DRD3: variants seen among roughly 807,000 people sequenced by gnomAD.
The protein encoded by DRD3 is D(3) dopamine receptor.
In DRD3, 19 loss-of-function variants were observed where a neutral mutation model predicts 36.3. The ratio of observed to expected loss-of-function variants is 0.52; its 90% CI spans 0.36 to 0.77. The LOEUF (loss-of-function observed/expected upper bound fraction) is 0.77. Ranked by LOEUF, DRD3 falls within the 30% of genes least tolerant of loss-of-function variation. The pLI is 0.00. For synonymous variants in DRD3, 195 were observed against 203.7 expected (o/e 0.96, Z 0.36); for missense variants, 465 against 505.3 (o/e 0.92, Z 0.77).
chr3:114,189,169 G>A (rs555327927), intron 1 of DRD3, among the ~76,000 whole-genome samples: 1 of 152,088 alleles, frequency 6.6e-6, no homozygotes, highest in South Asian at 2.1e-4. Context: ...CTTTTATTCA[G>A]TTGATTTAAC....
At chr3:114,162,316 C>A (rs1424745771) in intron 2 of DRD3, among the ~76,000 whole-genome samples, 2 of 152,172 alleles carry the variant, frequency 1.3e-5, no homozygotes, top group Admixed American at 6.5e-5. Flanking sequence ...ACTTTGAAAA[C>A]TGAATTTGTT....
intron 6 of DRD3, among the ~76,000 whole-genome samples, chr3:114,130,369 T>A (rs2077418134): frequency 6.6e-6 from 1 of 152,114 alleles, no homozygotes; most frequent in African/African-American, 2.4e-5. Context: ...CAATCACTTT[T>A]GATATATTGG....
intron 3 of DRD3, among the ~76,000 whole-genome samples, chr3:114,149,761 T>C (rs901029778): frequency 5.9e-5 from 9 of 152,218 alleles, no homozygotes; most frequent in African/African-American, 1.9e-4. Context: ...TTTTAGGAGA[T>C]GGCAAAAGGC....
chr3:114,181,514 T>C (rs537398476), upstream of DRD3, among the ~76,000 whole-genome samples: 49 of 152,354 alleles, frequency 3.2e-4, no homozygotes, highest in African/African-American at 9.9e-4. Context: ...CATTGAGATA[T>C]GCCTTCTGGG....
At chr3:114,186,744 G>A (rs927142940) in intron 1 of DRD3, among the ~76,000 whole-genome samples, 5 of 152,220 alleles carry the variant, frequency 3.3e-5, no homozygotes, top group African/African-American at 1.2e-4. Flanking sequence ...CCTGGAAGTT[G>A]CAAGCTTTCA....
intron 5 of DRD3, among the ~76,000 whole-genome samples, chr3:114,132,223 G>A (rs188076759): frequency 6.6e-6 from 1 of 152,274 alleles, no homozygotes; most frequent in Admixed American, 6.5e-5. Flanking sequence ...ATACTATGCA[G>A]CCATAAAAAA....
chr3:114,188,128 A>G (rs2077985583), intron 1 of DRD3, among the ~76,000 whole-genome samples: 1 of 152,126 alleles, frequency 6.6e-6, no homozygotes, highest in South Asian at 2.1e-4. Flanking sequence ...TGAAATGATA[A>G]AGAGTTTATT....
At chr3:114,194,789 T>C (rs909926467) in intron 1 of DRD3, among the ~76,000 whole-genome samples, 2 of 152,136 alleles carry the variant, frequency 1.3e-5, no homozygotes, top group Non-Finnish European at 2.9e-5. Flanking sequence ...CTTCCTTCCA[T>C]GGGAAAGACT....
intron 5 of DRD3, among the ~76,000 whole-genome samples, chr3:114,138,491 C>G (rs1413254996): frequency 6.6e-6 from 1 of 152,160 alleles, no homozygotes; most frequent in Non-Finnish European, 1.5e-5. Flanking sequence ...ACCATCAGAT[C>G]TCGTGAGACT....
chr3:114,192,205 A>G (rs1276411645), intron 1 of DRD3, among the ~76,000 whole-genome samples: 2 of 152,146 alleles, frequency 1.3e-5, no homozygotes, highest in Non-Finnish European at 2.9e-5. Context: ...AAAATTAGGG[A>G]AGCTGTCAGT....
chr3:114,132,384 C>T (rs1298369764), intron 5 of DRD3, among the ~76,000 whole-genome samples: 2 of 152,142 alleles, frequency 1.3e-5, no homozygotes, highest in African/African-American at 4.8e-5. Flanking sequence ...GGGAGGGGAA[C>T]ATCACACACC....
At chr3:114,183,207 G>A (rs1025115840), upstream of DRD3, among the ~76,000 whole-genome samples, 2 of 152,140 alleles carry the variant, frequency 1.3e-5, no homozygotes, top group African/African-American at 4.8e-5. Context: ...AAAGTGTGTT[G>A]TTTAATTTCT....
chr3:114,194,639 G>A (rs2078027632), intron 1 of DRD3, among the ~76,000 whole-genome samples: 2 of 152,134 alleles, frequency 1.3e-5, no homozygotes, highest in South Asian at 4.2e-4. Flanking sequence ...TGTTGAGCAT[G>A]CCGACTTTTC....
intron 1 of DRD3, among the ~76,000 whole-genome samples, chr3:114,193,301 C>G (rs2078021609): frequency 6.6e-6 from 1 of 151,940 alleles, no homozygotes; most frequent in Non-Finnish European, 1.5e-5. Context: ...ACAACAACAA[C>G]AACAACAACA....
intron 6 of DRD3, among the ~76,000 whole-genome samples, chr3:114,130,300 G>C (rs922063973): frequency 4.6e-5 from 7 of 151,996 alleles, no homozygotes; most frequent in African/African-American, 1.7e-4. Context: ...ATGCATTATG[G>C]AAAGCTTGGT....
intron 1 of DRD3, among the ~76,000 whole-genome samples, chr3:114,174,270 G>C (rs2077876194): frequency 6.6e-6 from 1 of 152,166 alleles, no homozygotes; most frequent in African/African-American, 2.4e-5. Flanking sequence ...AGGCCCAAAT[G>C]TCTTCCCTTT....
intron 5 of DRD3, among the ~76,000 whole-genome samples, chr3:114,136,132 G>A (rs2107834207): frequency 6.6e-6 from 1 of 152,218 alleles, no homozygotes; most frequent in South Asian, 2.1e-4. Flanking sequence ...TTAGCTGGGT[G>A]CAGCCCAAGA....
At chr3:114,191,520 C>T (rs971456272) in intron 1 of DRD3, among the ~76,000 whole-genome samples, 10 of 152,136 alleles carry the variant, frequency 6.6e-5, no homozygotes, top group Non-Finnish European at 1.3e-4. Flanking sequence ...TAGGAGTTTG[C>T]ATTTTATTCT....
chr3:114,187,242 C>T (rs557623762), intron 1 of DRD3, among the ~76,000 whole-genome samples: 60 of 152,120 alleles, frequency 3.9e-4, no homozygotes, highest in Non-Finnish European at 7.2e-4. Context: ...TTATTTTTGT[C>T]GTAAGTTGGG....
Sources: gnomAD v4.1 joint callset for allele counts (sites outside exome capture counted in the v4.1 genomes callset) on GRCh38, gnomAD v4.1.1 for gene constraint, MANE v1.5 for transcripts, NCBI Gene and HGNC (gene_info 2026-07-23, HGNC 2026-07-21) for gene names.